The following CCDC178 variants were observed in gnomAD, a reference collection of about 807,000 sequenced individuals.
CCDC178 encodes coiled-coil domain containing 178.
A neutral mutation model predicts 117.4 loss-of-function variants in CCDC178; 126 were observed. The observed-to-expected ratio is 1.07, with a 90% CI of 0.93 to 1.24. The LOEUF is 1.24. Ranked by LOEUF, CCDC178 falls within the 50% of genes most tolerant of loss-of-function variation. CCDC178 has a pLI of 0.00. For synonymous variants in CCDC178, 283 were observed against 313.4 expected (o/e 0.90, Z 1.02); for missense variants, 1,030 against 986.9 (o/e 1.04, Z -0.59).
chr18:33,275,359 C>A (rs541562676), intron 12 of CCDC178, among the ~76,000 whole-genome samples: 1 of 151,926 alleles, frequency 6.6e-6, no homozygotes, highest in Non-Finnish European at 1.5e-5. Context: ...TTTTGAGAAT[C>A]TATCCCATAG....
intron 20 of CCDC178, among the ~76,000 whole-genome samples, chr18:33,187,796 A>T (rs2058814750): frequency 6.6e-6 from 1 of 152,122 alleles, no homozygotes; most frequent in Non-Finnish European, 1.5e-5. Context: ...TAAACCCAAG[A>T]CCCAAAGTTG....
chr18:33,429,495 A>G (rs1348047213), intron 2 of CCDC178, among the ~76,000 whole-genome samples: 1 of 152,224 alleles, frequency 6.6e-6, no homozygotes, highest in African/African-American at 2.4e-5. Flanking sequence ...ACATAGCAAA[A>G]TGTAGTAGAG....
intron 20 of CCDC178, among the ~76,000 whole-genome samples, chr18:33,156,082 CTTTTT>C (rs755685926): frequency 2.0e-5 from 2 of 98,036 alleles, no homozygotes; most frequent in African/African-American, 8.2e-5. Context: ...CTAGAAAACA[CTTTTT>C]TTTTTTTTTT....
chr18:32,939,801 A>G (rs17752310), intron 22 of CCDC178, among the ~76,000 whole-genome samples: 2,018 of 152,238 alleles, frequency 0.013, 133 homozygotes, highest in Admixed American at 0.11. Flanking sequence ...CCTGTCAGTA[A>G]TCAAACGTTA....
intron 5 of CCDC178, among the ~76,000 whole-genome samples, chr18:33,375,425 T>C (rs1051095189): frequency 2.0e-5 from 3 of 152,086 alleles, no homozygotes; most frequent in African/African-American, 7.2e-5. Context: ...CTTGCAAAAA[T>C]GTACAAATTT....
At chr18:33,355,916 C>A (rs2063049604) in intron 7 of CCDC178, among the ~76,000 whole-genome samples, 1 of 152,160 alleles carries the variant, frequency 6.6e-6, no homozygotes, top group African/African-American at 2.4e-5. Context: ...GTACACTGCT[C>A]TCTTCATAGC....
intron 22 of CCDC178, among the ~76,000 whole-genome samples, chr18:32,960,046 T>G (rs2054675446): frequency 6.6e-6 from 1 of 151,882 alleles, no homozygotes; most frequent in Admixed American, 6.6e-5. Flanking sequence ...ATAAAAAGAG[T>G]AGATAATTTA....
At chr18:33,099,704 A>G (rs928528564) in intron 20 of CCDC178, among the ~76,000 whole-genome samples, 2 of 151,976 alleles carry the variant, frequency 1.3e-5, no homozygotes, top group African/African-American at 4.8e-5. Flanking sequence ...CTATACACCA[A>G]TTACTACAGA....
intron 11 of CCDC178, among the ~76,000 whole-genome samples, chr18:33,314,028 G>A (rs1040412614): frequency 1.3e-4 from 20 of 149,524 alleles, no homozygotes; most frequent in African/African-American, 2.7e-4. Context: ...GTGAAATCCC[G>A]TCTCTACTAA....
At chr18:33,080,358 C>A (rs2057278299) in intron 21 of CCDC178, among the ~76,000 whole-genome samples, 1 of 152,110 alleles carries the variant, frequency 6.6e-6, no homozygotes, top group African/African-American at 2.4e-5. Flanking sequence ...GTACACCAAA[C>A]CCCATGACAC....
chr18:33,080,437 AGAG>A (rs1411612111), intron 21 of CCDC178, among the ~76,000 whole-genome samples: 10 of 152,138 alleles, frequency 6.6e-5, no homozygotes, highest in Non-Finnish European at 2.9e-5. Flanking sequence ...AAAGAAAAGA[AGAG>A]GAGATCTGGA....
intron 11 of CCDC178, among the ~76,000 whole-genome samples, chr18:33,297,877 T>C (rs1481771004): frequency 6.6e-6 from 1 of 151,870 alleles, no homozygotes. Context: ...CCGTCTCTAC[T>C]AAAAATACAA....
chr18:33,063,434 C>T (rs554590379), intron 21 of CCDC178, among the ~76,000 whole-genome samples: 2 of 152,090 alleles, frequency 1.3e-5, no homozygotes, highest in Non-Finnish European at 2.9e-5. Context: ...CTTGCCCCCA[C>T]CAGTGGTGTA....
intron 15 of CCDC178, among the ~76,000 whole-genome samples, chr18:33,230,409 G>C (rs535472705): frequency 4.6e-5 from 7 of 152,234 alleles, no homozygotes; most frequent in East Asian, 1.9e-4. Flanking sequence ...CCTGCTACTA[G>C]AGCCTGGACA....
chr18:33,218,860 T>C (rs953461570), intron 18 of CCDC178, among the ~76,000 whole-genome samples: 3 of 152,146 alleles, frequency 2.0e-5, no homozygotes, highest in African/African-American at 7.2e-5. Flanking sequence ...TGTGGCCTTG[T>C]AGTATAGTTT....
intron 4 of CCDC178, among the ~76,000 whole-genome samples, chr18:33,391,476 T>C (rs536414071): frequency 6.6e-6 from 1 of 152,170 alleles, no homozygotes; most frequent in Non-Finnish European, 1.5e-5. Context: ...ATATTATGAA[T>C]TGCAAAAAGA....
At chr18:33,409,779 A>G (rs923152100) in intron 3 of CCDC178, among the ~76,000 whole-genome samples, 3 of 152,182 alleles carry the variant, frequency 2.0e-5, no homozygotes, top group Admixed American at 1.3e-4. Flanking sequence ...CCAAAGTGAC[A>G]AAAGTAAATT....
At chr18:33,110,646 T>C (rs931684812) in intron 20 of CCDC178, among the ~76,000 whole-genome samples, 2 of 151,666 alleles carry the variant, frequency 1.3e-5, no homozygotes, top group Non-Finnish European at 3.0e-5. Context: ...TATTTATTGA[T>C]TCAGCACCAT....
chr18:32,988,641 T>A (rs966921526), intron 21 of CCDC178, among the ~76,000 whole-genome samples: 1 of 151,644 alleles, frequency 6.6e-6, no homozygotes, highest in Non-Finnish European at 1.5e-5. Flanking sequence ...ATCAAAAATG[T>A]AGGAAAAGAG....
Sources: allele counts gnomAD v4.1 joint callset (sites outside exome capture counted in the v4.1 genomes callset), GRCh38; gene constraint gnomAD v4.1.1; transcripts MANE v1.5; gene names NCBI Gene and HGNC (gene_info 2026-07-23, HGNC 2026-07-21).